The following USH2A variants were observed in gnomAD, a reference collection of about 807,000 sequenced individuals.
USH2A encodes the protein Usher syndrome 2A (autosomal recessive, mild).
A neutral mutation model predicts 538.9 loss-of-function variants in USH2A; 443 were observed. The observed-to-expected ratio is 0.82, with a 90% confidence interval of 0.76 to 0.89. The LOEUF (loss-of-function observed/expected upper bound fraction) is 0.89. Among genes scored for constraint, USH2A ranks in the 40% least tolerant of loss-of-function variants. The pLI is 0.00. For missense variants in USH2A, 6,633 were observed against 6,324.8 expected (o/e 1.05, Z -1.65); for synonymous variants, 2,413 against 2,273.5 (o/e 1.06, Z -1.75).
chr1:216,327,729 A>G, intron 4 of USH2A, 75 bp from the exon 5 acceptor site: 1 of 1,554,618 alleles, frequency 6.4e-7, no homozygotes, highest in Admixed American at 1.7e-5. Flanking sequence ...TTTAAGTGAT[A>G]TTCCTTTGAA....
At chr1:215,633,638 A>AC (rs1009500947) in intron 70 of USH2A, among the ~76,000 whole-genome samples, 3 of 152,160 alleles carry the variant, frequency 2.0e-5, no homozygotes, top group Non-Finnish European at 2.9e-5. Context: ...CTAATATAGA[A>AC]CCTTAGTGCA....
chr1:216,016,900 C>T (rs1290405832), intron 32 of USH2A, among the ~76,000 whole-genome samples: 2 of 151,608 alleles, frequency 1.3e-5, no homozygotes, highest in East Asian at 3.9e-4. Flanking sequence ...AGGGAGAACC[C>T]TTATTGTCAG....
chr1:216,330,953 G>T (rs1024662408), intron 4 of USH2A, among the ~76,000 whole-genome samples: 1 of 151,988 alleles, frequency 6.6e-6, no homozygotes, highest in Non-Finnish European at 1.5e-5. Context: ...TCTGCTGCAG[G>T]GGGATAATGA....
Position 216,421,936 on chromosome 1 carries a change from C to G in USH2A, c.401G>C (p.Ser134Thr). 6.2e-7 allele frequency: 1 copy of G among 1,613,874 alleles called. No individual in the cohort carries two copies. The highest frequency in any genetic ancestry group is 8.5e-7 in the Non-Finnish European group (1 of 1,179,892). The stretch of plus-strand genomic sequence containing the variant: ...TGGAGAAGGAGGAGAAGAAAAGCAG[C>G]TCTTGTGATTTCCAAAAATAAAACT... ...SASFIFGNHK[S>T]CFSSPPSPKL... The change falls in exon 2 of 72, where the codon AGC (serine) becomes ACC (threonine). Residue 134 changes from serine (S) to threonine (T), a missense_variant. Coordinates refer to ENST00000307340, the MANE Select transcript of USH2A (RefSeq NM_206933.4).
Position 216,246,947 on chromosome 1 carries a change from A to C in USH2A, c.2447T>G (p.Ile816Ser). Residue 816 changes from isoleucine to serine, a missense_variant, in exon 13 of 72, where the codon ATC becomes AGC. Transcript: ENST00000307340. Reference sequence around the variant, plus strand: ...TCTCCCTTCAACATTGGGCTTGCAGATGCACTGCCCTGTCTTAGCATTACA... The same window carrying C: ...TCTCCCTTCAACATTGGGCTTGCAGCTGCACTGCCCTGTCTTAGCATTACA... Reference protein sequence around the residue: ...TVCNAKTGQCICKPNVEGRQC... With the variant: ...TVCNAKTGQCSCKPNVEGRQC... 6.2e-7 allele frequency: 1 copy of C among 1,614,118 alleles called. No homozygotes were observed. Among genetic ancestry groups the C allele is most frequent in the Non-Finnish European group, 8.5e-7 (1 of 1,179,982 alleles).
At position 215,970,784 on chromosome 1, in the gene USH2A, GATA is replaced by G; in HGVS notation, c.6806-11_6806-9del. 1 of 1,613,008 alleles carries G rather than the reference GATA, an allele frequency of 6.2e-7. No individual in the cohort carries two copies. The highest frequency in any genetic ancestry group is 1.1e-5 in the South Asian group (1 of 91,058). On this transcript the variant is annotated splice_polypyrimidine_tract_variant and intron_variant, in intron 35 of 71. Transcript: ENST00000307340. The stretch of plus-strand genomic sequence containing the variant: ...CATAACTCGTGATAACACCTGGGAA[GATA>G]ATAATTGCCTTTCAGTATGACTACT...
At chr1:216,150,755 C>A (rs1388589996) in intron 21 of USH2A, among the ~76,000 whole-genome samples, 1 of 152,158 alleles carries the variant, frequency 6.6e-6, no homozygotes. Flanking sequence ...GGACCTCTCA[C>A]AACACAAACT....
intron 32 of USH2A, among the ~76,000 whole-genome samples, chr1:216,044,214 C>CG (rs2030418892): frequency 1.3e-5 from 2 of 152,036 alleles, no homozygotes. Flanking sequence ...AGTAAGCATA[C>CG]GGGGCATACC....
intron 4 of USH2A, among the ~76,000 whole-genome samples, chr1:216,359,638 A>G (rs2038453285): frequency 6.6e-6 from 1 of 152,108 alleles, no homozygotes; most frequent in Non-Finnish European, 1.5e-5. Context: ...TAATAAGTGC[A>G]TCAGACAAAA....
intron 61 of USH2A, among the ~76,000 whole-genome samples, chr1:215,689,596 C>A (rs1418694): frequency 0.38 from 57,084 of 151,896 alleles, 10,801 homozygotes; most frequent in South Asian, 0.56. Context: ...ACCATCTCAG[C>A]AGACTGAAAG....
intron 37 of USH2A, among the ~76,000 whole-genome samples, chr1:215,961,301 G>A (rs1376105191): frequency 2.0e-5 from 3 of 151,678 alleles, no homozygotes; most frequent in African/African-American, 7.2e-5. Context: ...CTTAAATCAT[G>A]TATAATTATA....
chr1:215,909,846 T>G (rs536440294), intron 38 of USH2A, among the ~76,000 whole-genome samples: 2 of 151,986 alleles, frequency 1.3e-5, no homozygotes, highest in South Asian at 4.1e-4. Context: ...ATGGAACAGA[T>G]GTAGGGATGT....
intron 47 of USH2A, among the ~76,000 whole-genome samples, chr1:215,820,407 G>C (rs758292157): frequency 2.6e-5 from 4 of 151,542 alleles, no homozygotes; most frequent in African/African-American, 9.7e-5. Context: ...TTAAATTACA[G>C]GTGGATTACA....
At chr1:216,042,943 A>G (rs2102521746) in intron 32 of USH2A, among the ~76,000 whole-genome samples, 1 of 152,202 alleles carries the variant, frequency 6.6e-6, no homozygotes, top group Non-Finnish European at 1.5e-5. Flanking sequence ...TCTGCAAGCC[A>G]CGGAAAGAGA....
intron 37 of USH2A, among the ~76,000 whole-genome samples, chr1:215,939,274 A>T (rs1233550612): frequency 6.6e-6 from 1 of 152,178 alleles, no homozygotes; most frequent in Non-Finnish European, 1.5e-5. Flanking sequence ...TTTTGCATAG[A>T]TCATGTAGAA....
In USH2A at chr1:215,741,290, GAAATATA is replaced by G. The variant is rs1244436386; in HGVS notation, c.11711+78_11711+84del. 4.8e-6 allele frequency: 7 copies of G among 1,469,290 alleles called. No individual in the cohort carries two copies. The East Asian group carries it at 1.4e-4, about 29-fold the overall frequency. 91.0% of individuals were successfully genotyped at this position (1,469,290 alleles called of 1,614,324 possible). ...ATGAATTCCCATTCATTCTCTTATG[GAAATATA>G]AAATGCTCTTGATTCTGCTGTGTTG... On this transcript the variant is annotated intron_variant, in intron 60 of 71. Transcript: ENST00000307340.
intron 68 of USH2A, among the ~76,000 whole-genome samples, chr1:215,639,982 C>T (rs892328996): frequency 2.0e-5 from 3 of 152,096 alleles, no homozygotes; most frequent in African/African-American, 7.2e-5. Flanking sequence ...TACTTAGCAC[C>T]TTGTAAAGCA....
intron 32 of USH2A, among the ~76,000 whole-genome samples, chr1:216,046,018 T>C (rs1490988874): frequency 2.1e-5 from 3 of 145,064 alleles, no homozygotes; most frequent in Non-Finnish European, 3.0e-5. Flanking sequence ...TGTGTGTGTG[T>C]GTGTGTGTGT....
At chr1:216,211,011 T>TG (rs1385905251) in intron 15 of USH2A, among the ~76,000 whole-genome samples, 2 of 22,816 alleles carry the variant, frequency 8.8e-5, no homozygotes, top group Non-Finnish European at 1.9e-4. Context: ...TTTGGGGTGG[T>TG]GGGGGGTGGT....
Sources: gnomAD v4.1 joint callset for allele counts (sites outside exome capture counted in the v4.1 genomes callset) on GRCh38, gnomAD v4.1.1 for gene constraint, MANE v1.5 for transcripts, NCBI Gene and HGNC (gene_info 2026-07-23, HGNC 2026-07-21) for gene names.